The following CSMD2 variants were observed in gnomAD, a reference collection of about 807,000 sequenced individuals.
The protein encoded by CSMD2 is CUB and sushi domain-containing protein 2.
CSMD2 carries 130 observed loss-of-function variants against 398.5 expected under a neutral mutation model. That is an observed-to-expected ratio of 0.33 (90% confidence interval 0.28 to 0.38). The LOEUF is 0.38. CSMD2 is among the 10% of genes least tolerant of loss of function. The pLI is 1.00. For missense variants in CSMD2, 3,829 were observed against 4,764.9 expected, an observed-to-expected ratio of 0.80 and a Z score of 5.78; for synonymous variants, 1,828 against 1,908.5, an observed-to-expected ratio of 0.96 and a Z score of 1.10.
intron 1 of CSMD2, among the ~76,000 whole-genome samples, chr1:34,100,775 C>T (rs566790007): frequency 2.1e-4 from 32 of 152,282 alleles, no homozygotes; most frequent in African/African-American, 7.5e-4. Flanking sequence ...TAAATAAGAC[C>T]TGGACCCTTA....
At chr1:33,652,142 G>C (rs1643788772) in intron 28 of CSMD2, among the ~76,000 whole-genome samples, 181 bp downstream of exon 28, 1 of 152,162 alleles carries the variant, frequency 6.6e-6, no homozygotes, top group East Asian at 1.9e-4. Context: ...TGAGACCACT[G>C]AGCACAGTGC....
At chr1:34,128,251 C>A (rs541832803) in intron 1 of CSMD2, among the ~76,000 whole-genome samples, 2 of 152,278 alleles carry the variant, frequency 1.3e-5, no homozygotes, top group South Asian at 4.1e-4. Context: ...GCACTGGAAG[C>A]TTCTGAGGCT....
chr1:33,614,511 C>T lies in CSMD2; in HGVS notation c.6126G>A (p.Val2042=). The T allele has an allele frequency of 2.5e-6, 4 of 1,594,802 alleles. No homozygotes were observed. The highest frequency in any genetic ancestry group is 3.4e-6 in the Non-Finnish European group (4 of 1,162,542). ...GGGGCTGCAGAGACTTACCAAAGCC[C>T]ACGGGCAGTGCTATTTTCCAGGAGC... ...MDCSWKIALP[V]GFGAHIQFLN... is the part of the protein sequence containing the mutation. The change falls in exon 40 of 71, where the codon GTG becomes GTA. Residue 2042 remains valine, a synonymous_variant. Transcript: ENST00000373381.
chr1:34,142,815 G>T (rs1200713292), intron 1 of CSMD2, among the ~76,000 whole-genome samples: 1 of 152,168 alleles, frequency 6.6e-6, no homozygotes, highest in Non-Finnish European at 1.5e-5. Flanking sequence ...ATTAGATGGT[G>T]TATACAAAAT....
intron 37 of CSMD2, among the ~76,000 whole-genome samples, chr1:33,618,141 T>C (rs1641520922): frequency 6.6e-6 from 1 of 152,130 alleles, no homozygotes; most frequent in South Asian, 2.1e-4. Context: ...GAGAAAAGTG[T>C]GTTAGCAGAT....
rs930350036 is a variant in CSMD2, at chr1:33,633,838, G to C, written c.5087-303C>G. Among the ~76,000 whole-genome samples the C allele has an allele frequency of 6.6e-6, 1 of 152,180 alleles. No homozygotes were observed. The highest frequency in any genetic ancestry group is 1.5e-5 in the Non-Finnish European group (1 of 68,030). On this transcript the variant is annotated intron_variant, in intron 31 of 70. Coordinates refer to ENST00000373381, the MANE Select transcript of CSMD2 (RefSeq NM_001281956.2). The surrounding 1 kb of genome is among the most constrained non-coding windows in gnomAD (Gnocchi z 5.0). Reference sequence around the variant, plus strand: ...TGGAGCCAACTTTGTTCCTTTCCCAGATAGCAGCTGCAGCAGCTATCTGGA... The same window carrying C: ...TGGAGCCAACTTTGTTCCTTTCCCACATAGCAGCTGCAGCAGCTATCTGGA...
chr1:34,103,378 T>A (rs1415453468), intron 1 of CSMD2, among the ~76,000 whole-genome samples: 5 of 145,714 alleles, frequency 3.4e-5, no homozygotes, highest in Admixed American at 2.8e-4. Flanking sequence ...GGCTCACTGC[T>A]ATCTCCGCCT....
chr1:34,120,254 T>C (rs1662035529), intron 1 of CSMD2, among the ~76,000 whole-genome samples: 1 of 152,156 alleles, frequency 6.6e-6, no homozygotes, highest in Admixed American at 6.5e-5. Flanking sequence ...TAAAATAGAC[T>C]CTCAGAAACA....
intron 62 of CSMD2, among the ~76,000 whole-genome samples, chr1:33,535,100 C>T (rs562891641): frequency 1.9e-4 from 29 of 152,362 alleles, no homozygotes; most frequent in Non-Finnish European, 3.5e-4. Flanking sequence ...CAAGGCCCTG[C>T]ATGACCTGTC....
chr1:33,718,835 A>AG (rs1646259726), intron 19 of CSMD2, among the ~76,000 whole-genome samples: 1 of 152,260 alleles, frequency 6.6e-6, no homozygotes, highest in South Asian at 2.1e-4. Flanking sequence ...CTGTTGATAG[A>AG]GGCTGGTGAT....
At chr1:33,854,568 C>T (rs1638938656) in intron 5 of CSMD2, among the ~76,000 whole-genome samples, 1 of 152,228 alleles carries the variant, frequency 6.6e-6, no homozygotes, top group Non-Finnish European at 1.5e-5. Context: ...GCCCCACTAC[C>T]TGCTTCACTT....
intron 2 of CSMD2, among the ~76,000 whole-genome samples, chr1:34,083,638 G>A (rs900634587): frequency 3.3e-5 from 5 of 152,106 alleles, no homozygotes; most frequent in African/African-American, 7.2e-5. Flanking sequence ...CTAGTAGACC[G>A]GGCATGGAGG....
At chr1:33,617,683 C>T (rs1641485737) in intron 37 of CSMD2, 66 bp from the exon 38 acceptor site, 1 of 1,239,250 alleles carries the variant, frequency 8.1e-7, no homozygotes, top group Non-Finnish European at 1.2e-6. Flanking sequence ...TGGCGGTAGG[C>T]TGGGGTGAGA....
chr1:33,707,133 C>T (rs1240205842), intron 22 of CSMD2, among the ~76,000 whole-genome samples: 3 of 152,204 alleles, frequency 2.0e-5, no homozygotes, highest in Non-Finnish European at 4.4e-5. Flanking sequence ...TGAATCTAGA[C>T]CCCCTTAGTG....
chr1:34,038,456 A>G (rs1010270979), intron 2 of CSMD2, among the ~76,000 whole-genome samples: 8 of 152,088 alleles, frequency 5.3e-5, no homozygotes. Flanking sequence ...CATCAGCCTT[A>G]TTGTCTTCTC....
chr1:33,933,382 C>T (rs1293118382), intron 4 of CSMD2, among the ~76,000 whole-genome samples: 2 of 152,166 alleles, frequency 1.3e-5, no homozygotes, highest in East Asian at 3.8e-4. Flanking sequence ...TATTTTACTT[C>T]CCCAAGCAGA....
chr1:33,663,593 C>T (rs1027447586), intron 25 of CSMD2, among the ~76,000 whole-genome samples: 2 of 152,140 alleles, frequency 1.3e-5, no homozygotes, highest in East Asian at 1.9e-4. Context: ...TCATACCTTG[C>T]TTTCCCAGAG....
At chr1:33,812,415 G>T (rs552216781) in intron 9 of CSMD2, among the ~76,000 whole-genome samples, 1 of 152,316 alleles carries the variant, frequency 6.6e-6, no homozygotes, top group East Asian at 1.9e-4. Flanking sequence ...CTGAGCTCAA[G>T]AATCTGTTCA....
intron 6 of CSMD2, among the ~76,000 whole-genome samples, chr1:33,844,475 G>A (rs1324932945): frequency 6.6e-6 from 1 of 152,242 alleles, no homozygotes; most frequent in Non-Finnish European, 1.5e-5. Context: ...GCTTTAGAAA[G>A]TCAACAATGG....
Sources: allele counts gnomAD v4.1 joint callset (sites outside exome capture counted in the v4.1 genomes callset), GRCh38; gene constraint gnomAD v4.1.1; non-coding constraint Gnocchi (gnomAD v3.1); transcripts MANE v1.5; gene names NCBI Gene and HGNC (gene_info 2026-07-23, HGNC 2026-07-21).